Variants in RYR2 observed in about 807,000 individuals in gnomAD.
RYR2 encodes the protein cardiac muscle ryanodine receptor-calcium release channel.
In RYR2, 227 loss-of-function variants were observed where a neutral mutation model predicts 601.1. That is an observed-to-expected ratio of 0.38 (90% CI 0.34 to 0.42). The LOEUF is 0.42. Among genes scored for constraint, RYR2 ranks in the 10% least tolerant of loss-of-function variants. The pLI, the probability that RYR2 is intolerant of heterozygous loss-of-function variation, is 1.00. For synonymous variants in RYR2, 2,223 were observed against 2,175.1 expected (o/e 1.02, Z -0.61); for missense variants, 4,646 against 6,156.5 (o/e 0.75, Z 8.21).
chr1:237,459,927 A>G (rs1207557399), intron 16 of RYR2, among the ~76,000 whole-genome samples: 2 of 152,140 alleles, frequency 1.3e-5, no homozygotes, highest in African/African-American at 2.4e-5. Context: ...AGGTGGAGCA[A>G]TGTTTCTATT....
intron 48 of RYR2, among the ~76,000 whole-genome samples, chr1:237,646,159 G>C (rs1222883550): frequency 6.6e-6 from 1 of 152,072 alleles, no homozygotes; most frequent in African/African-American, 2.4e-5. Context: ...TTACAGGTGT[G>C]AGCCACCGTG....
intron 3 of RYR2, among the ~76,000 whole-genome samples, chr1:237,338,163 T>G (rs1697426469): frequency 2.0e-5 from 3 of 152,148 alleles, no homozygotes; most frequent in Admixed American, 1.3e-4. Flanking sequence ...TGTGCTGAGC[T>G]CGAGTAAGAT....
At chr1:237,439,685 C>T (rs1014457116) in intron 12 of RYR2, among the ~76,000 whole-genome samples, 3 of 151,686 alleles carry the variant, frequency 2.0e-5, no homozygotes, top group African/African-American at 7.3e-5. Context: ...ACAATTAAAT[C>T]TTCTAATCCA....
chr1:237,710,397 A>G (rs1052095941), intron 70 of RYR2, among the ~76,000 whole-genome samples: 1 of 152,198 alleles, frequency 6.6e-6, no homozygotes, highest in Admixed American at 6.5e-5. Context: ...AGTTACTTTG[A>G]ATACATAATA....
At chr1:237,303,306 T>C (rs1293931092) in intron 2 of RYR2, among the ~76,000 whole-genome samples, 1 of 144,112 alleles carries the variant, frequency 6.9e-6, no homozygotes, top group Non-Finnish European at 1.5e-5. Context: ...TTTTTTTTTT[T>C]TTTTTTTTTT....
At chr1:237,285,067 T>C (rs1381932147) in intron 2 of RYR2, among the ~76,000 whole-genome samples, 1 of 152,172 alleles carries the variant, frequency 6.6e-6, no homozygotes, top group Non-Finnish European at 1.5e-5. Flanking sequence ...CAGTACTATG[T>C]TGAAGAGGAG....
intron 24 of RYR2, among the ~76,000 whole-genome samples, chr1:237,525,372 G>T (rs1034537353): frequency 1.3e-5 from 2 of 152,136 alleles, no homozygotes; most frequent in Non-Finnish European, 2.9e-5. Flanking sequence ...ACAGTTGACA[G>T]ACACTTAAGT....
At chr1:237,473,999 A>C (rs1661078942) in intron 17 of RYR2, among the ~76,000 whole-genome samples, 2 of 151,952 alleles carry the variant, frequency 1.3e-5, no homozygotes, top group South Asian at 4.1e-4. Flanking sequence ...GCCAATAGTG[A>C]GGAAAAAAAG....
chr1:237,610,066 TTTC>T lies in RYR2; in HGVS notation c.4684-693_4684-691del, dbSNP rs1362976478. Among the ~76,000 whole-genome samples, 2 of 152,036 alleles carry T rather than the reference TTTC, an allele frequency of 1.3e-5. No individual in the cohort carries two copies. Among genetic ancestry groups the T allele is most frequent in the African/African-American group, 4.8e-5 (2 of 41,386 alleles). On this transcript the variant is annotated intron_variant, in intron 35 of 104. Transcript: ENST00000366574. This position sits in a 1 kb window ranked among gnomAD's most constrained non-coding sequence, Gnocchi z 4.9. ...TAATGCAGAAATATGAGATAATGGT[TTTC>T]TTATGGTCCCATAAGAGGCAGGCAT...
intron 10 of RYR2, among the ~76,000 whole-genome samples, chr1:237,416,009 A>G (rs1246308123): frequency 6.6e-6 from 1 of 152,230 alleles, no homozygotes; most frequent in East Asian, 1.9e-4. Flanking sequence ...CAATAAAGAT[A>G]GAATGAGAAG....
chr1:237,763,118 A>G (rs1216253070), intron 84 of RYR2, among the ~76,000 whole-genome samples: 3 of 152,074 alleles, frequency 2.0e-5, no homozygotes, highest in Non-Finnish European at 4.4e-5. Context: ...TCTTGTTTCT[A>G]TGAGGATGTA....
chr1:237,477,057 A>G (rs1055797373), intron 17 of RYR2, among the ~76,000 whole-genome samples: 4 of 152,130 alleles, frequency 2.6e-5, no homozygotes, highest in African/African-American at 9.7e-5. Flanking sequence ...CGTAAAACCC[A>G]CCAAATCCAT....
At chr1:237,344,441 C>T (rs1477949217) in intron 3 of RYR2, among the ~76,000 whole-genome samples, 2 of 152,172 alleles carry the variant, frequency 1.3e-5, no homozygotes, top group Non-Finnish European at 2.9e-5. Flanking sequence ...ACTGAACTCA[C>T]TCCCTGAATA....
chr1:237,644,021 T>C (rs1681861804), intron 48 of RYR2, among the ~76,000 whole-genome samples: 1 of 152,200 alleles, frequency 6.6e-6, no homozygotes, highest in African/African-American at 2.4e-5. Context: ...AGCAGAAACA[T>C]GCACTGCTAC....
At chr1:237,088,575 C>G (rs944736794) in intron 1 of RYR2, among the ~76,000 whole-genome samples, 1 of 152,096 alleles carries the variant, frequency 6.6e-6, no homozygotes, top group African/African-American at 2.4e-5. Flanking sequence ...TTGTACGTTT[C>G]TTTTTCTAAG....
At chr1:237,324,665 T>TAC (rs1695975085) in intron 2 of RYR2, among the ~76,000 whole-genome samples, 1 of 152,176 alleles carries the variant, frequency 6.6e-6, no homozygotes, top group African/African-American at 2.4e-5. Flanking sequence ...GGATAAGTAT[T>TAC]TTTCCACTTC....
chr1:237,563,256 A>C (rs1671634509), intron 27 of RYR2, among the ~76,000 whole-genome samples: 1 of 151,942 alleles, frequency 6.6e-6, no homozygotes, highest in African/African-American at 2.4e-5. Context: ...AATACAAAAA[A>C]ATTAGCTGGG....
chr1:237,397,649 G>A (rs2149907542), intron 10 of RYR2, among the ~76,000 whole-genome samples: 1 of 152,174 alleles, frequency 6.6e-6, no homozygotes, highest in East Asian at 1.9e-4. Flanking sequence ...AGTACCCTGG[G>A]TCTGAGTGAC....
chr1:237,051,300 CTCTT>C (rs1247683342), intron 1 of RYR2, among the ~76,000 whole-genome samples: 6 of 125,800 alleles, frequency 4.8e-5, no homozygotes. Context: ...CTCTCTCTCT[CTCTT>C]TCTCTTTATC....
Sources: gnomAD v4.1 joint callset for allele counts (sites outside exome capture counted in the v4.1 genomes callset) on GRCh38, gnomAD v4.1.1 for gene constraint, Gnocchi (gnomAD v3.1) non-coding constraint, MANE v1.5 for transcripts, NCBI Gene and HGNC (gene_info 2026-07-23, HGNC 2026-07-21) for gene names.